Variants in C14orf93 observed in about 807,000 individuals in gnomAD.
C14orf93 encodes uncharacterized protein C14orf93.
C14orf93 carries 23 observed loss-of-function variants against 44.0 expected under a neutral mutation model. That is an observed-to-expected ratio of 0.52 (90% CI 0.38 to 0.74). C14orf93 has a LOEUF of 0.74. Among genes scored for constraint, C14orf93 ranks in the 30% least tolerant of loss-of-function variants. The pLI is 0.00. For missense variants in C14orf93, 579 were observed against 678.9 expected (o/e 0.85, Z 1.64); for synonymous variants, 253 against 265.7 (o/e 0.95, Z 0.46).
chr14:22,989,129 A>G (rs558687236), intron 5 of C14orf93, among the ~76,000 whole-genome samples: 20 of 152,106 alleles, frequency 1.3e-4, no homozygotes, highest in African/African-American at 4.6e-4. Context: ...TACGTCATGC[A>G]TGCCACCCCA....
intron 1 of C14orf93, chr14:23,005,227 T>C (rs995406057): frequency 2.6e-5 from 4 of 151,510 alleles, no homozygotes; most frequent in African/African-American, 9.7e-5. Context: ...ATTGACAGAG[T>C]TATAGAGATG....
chr14:22,992,465 CAA>C (rs58974559), intron 3 of C14orf93, among the ~76,000 whole-genome samples: 14 of 71,108 alleles, frequency 2.0e-4, no homozygotes, highest in Non-Finnish European at 1.7e-4. Context: ...GACTCTGTTT[CAA>C]AAAAAAAAAA....
At chr14:22,989,599 G>T in intron 5 of C14orf93, 143 bp downstream of exon 5, 1 of 630,388 alleles carries the variant, frequency 1.6e-6, no homozygotes, top group Non-Finnish European at 2.8e-6. Context: ...TTGAAGGTGA[G>T]AATAGCCAAA....
rs1181286398 is a variant in C14orf93, at chr14:22,997,225, G to T, written c.598-957C>A. 1.3e-5 allele frequency among the ~76,000 whole-genome samples: 2 copies of T among 152,192 alleles called. 1 individual carries two copies. The highest frequency in any genetic ancestry group is 2.9e-5 in the Non-Finnish European group (2 of 68,036). On this transcript the variant is annotated intron_variant, in intron 2 of 6. Coordinates refer to ENST00000299088, the MANE Select transcript of C14orf93 (RefSeq NM_021944.4). ...GAGTCCTGACCAGCCACAGACTGGG[G>T]TGAGCAGCAGTGGCCATTACCCATA...
At chr14:23,003,963 G>A (rs1404937295) in intron 1 of C14orf93, among the ~76,000 whole-genome samples, 1 of 117,306 alleles carries the variant, frequency 8.5e-6, no homozygotes, top group African/African-American at 3.3e-5. Flanking sequence ...AGGCTAGAGT[G>A]TGGAGGCACG....
At chr14:22,994,875 G>A (rs906518109) in intron 3 of C14orf93, among the ~76,000 whole-genome samples, 3 of 152,156 alleles carry the variant, frequency 2.0e-5, no homozygotes, top group African/African-American at 7.2e-5. Flanking sequence ...GTGCACTGCA[G>A]GATGTTTAGC....
At chr14:22,990,256 C>T (rs1262496926) in intron 3 of C14orf93, 129 bp from the exon 4 acceptor site, 6 of 709,244 alleles carry the variant, frequency 8.5e-6, no homozygotes, top group Non-Finnish European at 1.4e-5. Flanking sequence ...AGCCAAGAGC[C>T]TATCCAAGTT....
In C14orf93 at chr14:22,998,994, G is replaced by T; in HGVS notation, c.30C>A (p.Ser10=). 6.2e-7 allele frequency: 1 copy of T among 1,612,624 alleles called. No homozygotes were observed. The part of the protein sequence containing the change: MSFSATILF[S]PPSGSEARCC... ...ATCTGGCCTCGCTGCCACTGGGAGG[G>T]GAGAAGAGAATGGTGGCACTGAAGG... Residue 10 remains serine (S), a synonymous_variant, in exon 2 of 7, where the codon TCC becomes TCA. Coordinates refer to ENST00000299088, the MANE Select transcript of C14orf93 (RefSeq NM_021944.4).
chr14:22,998,460 C>T lies in C14orf93; in HGVS notation c.564G>A (p.Leu188=). 2 of 1,592,566 alleles carry T rather than the reference C, an allele frequency of 1.3e-6. No individual in the cohort carries two copies. The highest frequency in any genetic ancestry group is 1.7e-6 in the Non-Finnish European group (2 of 1,167,480). Residue 188 remains leucine, a synonymous_variant, in exon 2 of 7, where the codon CTG becomes CTA. Coordinates refer to ENST00000299088, the MANE Select transcript of C14orf93 (RefSeq NM_021944.4). The part of the protein sequence containing the change: ...QRDMRLPGCT[L]AASEAAPLLN... The stretch of plus-strand genomic sequence containing the variant: ...GCAGGGGGGCCGCCTCGCTGGCAGC[C>T]AGCGTGCACCCTGGGAGCCGCATGT...
chr14:22,998,437 AG>A lies in C14orf93; in HGVS notation c.586del (p.Leu196CysfsTer81). The A allele has an allele frequency of 6.4e-7, 1 of 1,573,008 alleles. No homozygotes were observed. The highest frequency in any genetic ancestry group is 1.2e-5 in the South Asian group (1 of 86,314). On this transcript the variant is annotated frameshift_variant, in exon 2 of 7. Transcript: ENST00000299088. LOFTEE classifies it high-confidence loss of function. ...CTLAASEAAP[L>X]LNPLVDDYVA... ...TGCTGCCATACTCACAGGATTGAGC[AG>A]GGGGGCCGCCTCGCTGGCAGCCAGC... is the stretch of plus-strand genomic sequence containing the variant.
chr14:22,987,364 G>A lies in C14orf93; in HGVS notation c.1468C>T (p.Pro490Ser). Residue 490 changes from proline (P) to serine (S), a missense_variant, in exon 7 of 7, where the codon CCA becomes TCA. Physicochemically the swap from Pro to Ser is moderately conservative, Grantham distance 74. Transcript: ENST00000299088. This position sits in a 1 kb window ranked among gnomAD's most constrained non-coding sequence, Gnocchi z 5.6. The stretch of plus-strand genomic sequence containing the variant: ...TGGAAATTAGGATTGTAAAGTTCTG[G>A]TGGAAGGAGCTGGGCTTCAGCAGAA... ...LPSAEAQLLP[P>S]ELYNPNFQEE... is the part of the protein sequence containing the mutation. 6.2e-7 allele frequency: 1 copy of A among 1,614,242 alleles called. No individual in the cohort carries two copies. Among genetic ancestry groups the A allele is most frequent in the Non-Finnish European group, 8.5e-7 (1 of 1,180,046 alleles).
chr14:23,007,864 C>T (rs1190882473), intron 1 of C14orf93, among the ~76,000 whole-genome samples: 1 of 152,012 alleles, frequency 6.6e-6, no homozygotes, highest in African/African-American at 2.4e-5. Flanking sequence ...TAAAAATTCC[C>T]GTAACTGGCC....
intron 1 of C14orf93, 42 bp from the exon 2 acceptor site, chr14:22,999,444 C>G (rs1286661333): frequency 6.1e-6 from 1 of 163,584 alleles, no homozygotes; most frequent in African/African-American, 2.5e-5. Flanking sequence ...GTAGATCTGT[C>G]TCCTCCTCCT....
rs1243546408 is a variant in C14orf93 at position 22,998,642 on chromosome 14, T to C, written c.382A>G (p.Lys128Glu). Reference protein sequence around the residue: ...SSPPEEPGPLKESPGEAFKAL... With the variant: ...SSPPEEPGPLEESPGEAFKAL... ...TTAAAGGCTTCCCCGGGACTTTCCT[T>C]GAGAGGCCCAGGCTCCTCAGGTGGG... Residue 128 changes from lysine (K) to glutamate (E), a missense_variant, in exon 2 of 7, where the codon AAG (lysine) becomes GAG (glutamate). Transcript: ENST00000299088. 1 of 1,613,774 alleles carries C rather than the reference T, an allele frequency of 6.2e-7. No individual in the cohort carries two copies. The highest frequency in any genetic ancestry group is 8.5e-7 in the Non-Finnish European group (1 of 1,179,670).
At position 22,987,786 on chromosome 14, in the gene C14orf93, C is replaced by T. The variant is rs778734303; in HGVS notation, c.1197+117G>A. 11 of 1,213,700 alleles carry T rather than the reference C, an allele frequency of 9.1e-6. No homozygotes were observed. Among genetic ancestry groups the T allele is most frequent in the Non-Finnish European group, 1.3e-5 (11 of 858,738 alleles). The allele number at this position is 1,213,700 out of a possible 1,614,324, so 75.2% of individuals were successfully genotyped here. A position where few individuals can be genotyped will look rare whatever the true frequency, so the allele number is the denominator to read the frequency against. ...CTTAGCATTGGCTCACTGTTCTTCT[C>T]TATCTTCCTACATTCCTGGCTCTCA... is the stretch of plus-strand genomic sequence containing the variant. On this transcript the variant is annotated intron_variant, in intron 6 of 6. Coordinates refer to ENST00000299088, the MANE Select transcript of C14orf93 (RefSeq NM_021944.4). The surrounding 1 kb of genome is among the most constrained non-coding windows in gnomAD (Gnocchi z 5.6).
intron 5 of C14orf93, among the ~76,000 whole-genome samples, chr14:22,989,281 C>A (rs989327191): frequency 1.3e-5 from 2 of 152,228 alleles, no homozygotes; most frequent in African/African-American, 4.8e-5. Context: ...GGATGAGCCA[C>A]GTTACCTGGC....
chr14:22,995,069 G>A (rs989262336), intron 3 of C14orf93, among the ~76,000 whole-genome samples: 1 of 152,180 alleles, frequency 6.6e-6, no homozygotes, highest in Non-Finnish European at 1.5e-5. Context: ...GGGACTCCCA[G>A]CTCAGCAGGA....
intron 1 of C14orf93, among the ~76,000 whole-genome samples, chr14:23,002,544 A>C (rs573948631): frequency 1.3e-5 from 2 of 152,204 alleles, no homozygotes; most frequent in East Asian, 1.9e-4. Flanking sequence ...TCTGAGACCA[A>C]GTTTCTTCAT....
Position 22,998,649 on chromosome 14 carries a change from C to T in C14orf93, c.375G>A (p.Gly125=). 6.2e-7 allele frequency: 1 copy of T among 1,613,982 alleles called. No individual in the cohort carries two copies. The highest frequency in any genetic ancestry group is 8.5e-7 in the Non-Finnish European group (1 of 1,179,832). ...CTTCCCCGGGACTTTCCTTGAGAGG[C>T]CCAGGCTCCTCAGGTGGGGAACTAT... ...RAHSSPPEEP[G]PLKESPGEAF... The change falls in exon 2 of 7, where the codon GGG becomes GGA. Residue 125 remains glycine, a synonymous_variant. Transcript: ENST00000299088.
Sources: allele counts gnomAD v4.1 joint callset (sites outside exome capture counted in the v4.1 genomes callset), GRCh38; gene constraint gnomAD v4.1.1; non-coding constraint Gnocchi (gnomAD v3.1); transcripts MANE v1.5; gene names NCBI Gene and HGNC (gene_info 2026-07-23, HGNC 2026-07-21).